TTPA: variants seen among roughly 807,000 people sequenced by gnomAD.
The protein encoded by TTPA is alpha tocopherol transfer protein.
In TTPA, 23 loss-of-function variants were observed where a neutral mutation model predicts 25.9. The ratio of observed to expected loss-of-function variants is 0.89; its 90% CI spans 0.64 to 1.26. The LOEUF is 1.26. TTPA is among the 50% of genes most tolerant of loss of function. The pLI, the probability that TTPA is intolerant of heterozygous loss-of-function variation, is 0.00. For missense variants in TTPA, 337 were observed against 353.1 expected (o/e 0.95, Z 0.37); for synonymous variants, 148 against 137.3 (o/e 1.08, Z -0.54).
At chr8:63,084,770 G>A (rs1805721767) in intron 1 of TTPA, among the ~76,000 whole-genome samples, 1 of 152,170 alleles carries the variant, frequency 6.6e-6, no homozygotes, top group African/African-American at 2.4e-5. Flanking sequence ...TTAGGATTTT[G>A]TGTTACCTAG....
intron 1 of TTPA, among the ~76,000 whole-genome samples, chr8:63,075,802 A>G (rs1805554171): frequency 6.6e-6 from 1 of 152,106 alleles, no homozygotes; most frequent in Non-Finnish European, 1.5e-5. Context: ...AAATGGACAC[A>G]TGATATGAAA....
chr8:63,085,421 G>C (rs2129794251), intron 1 of TTPA, among the ~76,000 whole-genome samples: 1 of 152,342 alleles, frequency 6.6e-6, no homozygotes, highest in East Asian at 1.9e-4. Context: ...CTGGTCACGT[G>C]TGATAAGTCT....
chr8:63,077,189 C>T (rs1444866025), intron 1 of TTPA, among the ~76,000 whole-genome samples: 2 of 152,048 alleles, frequency 1.3e-5, no homozygotes, highest in Non-Finnish European at 2.9e-5. Context: ...AAATGGGATC[C>T]ATTCCAAGAT....
intron 1 of TTPA, among the ~76,000 whole-genome samples, chr8:63,078,070 C>G (rs1805600416): frequency 6.6e-6 from 1 of 152,216 alleles, no homozygotes; most frequent in Non-Finnish European, 1.5e-5. Context: ...CCAGCAAACT[C>G]CAACAGACCT....
Position 63,085,962 on chromosome 8 carries a change from G to A in TTPA, c.60C>T (p.His20=), listed in dbSNP as rs770230201. 13 of 1,524,930 alleles carry A rather than the reference G, an allele frequency of 8.5e-6. No individual in the cohort carries two copies. The East Asian group carries it at 3.1e-4, about 36-fold the overall frequency. 94.5% of individuals were successfully genotyped at this position (1,524,930 alleles called of 1,614,324 possible). Residue 20 remains histidine (H), a synonymous_variant, in exon 1 of 5, where the codon CAC becomes CAT. Transcript: ENST00000260116. ...CCAGGCCCGGCTGCAGCAACGGAGA[G>A]TGGTCCGGTAGCGCGTTGAGCTGCG... ...AGPQLNALPD[H]SPLLQPGLAA...
intron 2 of TTPA, among the ~76,000 whole-genome samples, chr8:63,070,608 G>A (rs761590270): frequency 6.6e-6 from 1 of 152,134 alleles, no homozygotes; most frequent in African/African-American, 2.4e-5. Context: ...CAAATCTCTT[G>A]AGTTAAACAA....
intron 1 of TTPA, among the ~76,000 whole-genome samples, chr8:63,080,591 G>A (rs964564198): frequency 7.9e-5 from 12 of 151,700 alleles, no homozygotes; most frequent in East Asian, 1.9e-4. Flanking sequence ...GCGTGGTGGC[G>A]GGCGTCTGTA....
At chr8:63,067,082 G>A (rs980219204) in intron 2 of TTPA, among the ~76,000 whole-genome samples, 3 of 151,866 alleles carry the variant, frequency 2.0e-5, no homozygotes, top group African/African-American at 4.8e-5. Flanking sequence ...TTAAAGAAGC[G>A]TAATAGTTTC....
At position 63,064,312 on chromosome 8, in the gene TTPA, G is replaced by T. The variant is rs1554605498; in HGVS notation, c.557C>A (p.Ser186Ter). 1.2e-6 allele frequency: 2 copies of T among 1,603,194 alleles called. No individual in the cohort carries two copies. The highest frequency in any genetic ancestry group is 2.2e-5 in the South Asian group (2 of 90,498). The change falls in exon 4 of 5, where the codon TCA becomes TAA. Residue 186 changes from serine (S) to a stop codon, truncating the protein, a stop_gained. Coordinates refer to ENST00000260116, the MANE Select transcript of TTPA (RefSeq NM_000370.3). LOFTEE classifies it high-confidence loss of function. ...AKKIAAVLTDSFPLKVRGIHL... is the reference protein window; with the variant it reads ...AKKIAAVLTD ...GATGCCACGAACTTTCAATGGAAAT[G>T]AATCCTTTTGAAAATAAAAAAATCT... is the stretch of plus-strand genomic sequence containing the variant.
chr8:63,067,121 T>C (rs1360937033), intron 2 of TTPA, among the ~76,000 whole-genome samples: 1 of 152,112 alleles, frequency 6.6e-6, no homozygotes, highest in Non-Finnish European at 1.5e-5. Context: ...TACTATAAGC[T>C]ATTATTATAA....
chr8:63,085,823 A>G lies in TTPA; in HGVS notation c.199T>C (p.Trp67Arg). 1 of 1,536,258 alleles carries G rather than the reference A, an allele frequency of 6.5e-7. No homozygotes were observed. The part of the protein sequence containing the change: ...RARDFDLDLA[W>R]RLLKNYYKWR... ...CCCTGGGCACGCACGCTTACCCGCCAGGCCAGGTCCAGATCGAAATCCCGG... is the reference window on the plus strand; with the variant it reads ...CCCTGGGCACGCACGCTTACCCGCCGGGCCAGGTCCAGATCGAAATCCCGG... The change falls in exon 1 of 5, where the codon TGG becomes CGG. Residue 67 changes from tryptophan to arginine, a missense_variant. Transcript: ENST00000260116.
chr8:63,082,679 A>C (rs189851495), intron 1 of TTPA, among the ~76,000 whole-genome samples: 1 of 152,354 alleles, frequency 6.6e-6, no homozygotes, highest in Admixed American at 6.5e-5. Flanking sequence ...GCATGGCAAA[A>C]GAAACTAGCA....
chr8:63,078,600 C>CAAATTAATA (rs1173544420), intron 1 of TTPA, among the ~76,000 whole-genome samples: 1 of 151,870 alleles, frequency 6.6e-6, no homozygotes, highest in Non-Finnish European at 1.5e-5. Context: ...GATTAAAGAT[C>CAAATTAATA]AAATTAATAA....
chr8:63,067,066 A>AT (rs1188917268), intron 2 of TTPA, among the ~76,000 whole-genome samples: 5 of 151,948 alleles, frequency 3.3e-5, no homozygotes, highest in Non-Finnish European at 7.4e-5. Context: ...AATTCAAAGA[A>AT]TTTTTTTAAA....
At chr8:63,074,984 A>G (rs1332483433) in intron 1 of TTPA, among the ~76,000 whole-genome samples, 1 of 152,236 alleles carries the variant, frequency 6.6e-6, no homozygotes, top group Non-Finnish European at 1.5e-5. Context: ...TGACTTCTGT[A>G]AAGAGGCACA....
chr8:63,080,068 CTACTGGGTAAA>C (rs1167425320), intron 1 of TTPA, among the ~76,000 whole-genome samples: 10 of 152,180 alleles, frequency 6.6e-5, no homozygotes, highest in Non-Finnish European at 1.3e-4. Context: ...TCCTGAATGA[CTACTGGGTAAA>C]TAATGAAATG....
chr8:63,071,173 T>C (rs1805477313), intron 2 of TTPA, among the ~76,000 whole-genome samples: 1 of 152,186 alleles, frequency 6.6e-6, no homozygotes, highest in African/African-American at 2.4e-5. Context: ...TCATGATGTC[T>C]GTTTTATAGA....
At chr8:63,066,893 A>T (rs181943897) in intron 2 of TTPA, among the ~76,000 whole-genome samples, 9 of 152,148 alleles carry the variant, frequency 5.9e-5, no homozygotes, top group Non-Finnish European at 1.3e-4. Flanking sequence ...GAAAGTAAGA[A>T]AGCAGGAGAC....
At chr8:63,065,673 A>G (rs1003507957) in intron 3 of TTPA, among the ~76,000 whole-genome samples, 1 of 152,164 alleles carries the variant, frequency 6.6e-6, no homozygotes, top group African/African-American at 2.4e-5. Context: ...AGATGCATAA[A>G]TCCTCTCGTT....
Sources: gnomAD v4.1 joint callset for allele counts (sites outside exome capture counted in the v4.1 genomes callset) on GRCh38, gnomAD v4.1.1 for gene constraint, MANE v1.5 for transcripts, NCBI Gene and HGNC (gene_info 2026-07-23, HGNC 2026-07-21) for gene names.